CNTN5: variants seen among roughly 807,000 people sequenced by gnomAD.
The protein encoded by CNTN5 is contactin-5.
CNTN5 carries 77 observed loss-of-function variants against 129.1 expected under a neutral mutation model. The ratio of observed to expected loss-of-function variants is 0.60; its 90% CI spans 0.50 to 0.72. The LOEUF is 0.72. Among genes scored for constraint, CNTN5 ranks in the 30% least tolerant of loss-of-function variants. CNTN5 has a pLI of 0.00. For missense variants in CNTN5, 1,478 were observed against 1,328.8 expected (o/e 1.11, Z -1.75); for synonymous variants, 509 against 465.6 (o/e 1.09, Z -1.20).
In CNTN5 at chr11:99,080,572, G is replaced by A. The variant is rs576011591; in HGVS notation, c.-210+59302G>A. ...CCAAATTTGCTGTTTTTCTCAGTATGAGGAAAGATTTAACAGATTTACCTC... is the reference window on the plus strand; with the variant it reads ...CCAAATTTGCTGTTTTTCTCAGTATAAGGAAAGATTTAACAGATTTACCTC... On this transcript the variant is annotated intron_variant, in intron 1 of 24. Transcript: ENST00000524871. 3.3e-5 allele frequency among the ~76,000 whole-genome samples: 5 copies of A among 152,282 alleles called. No individual in the cohort carries two copies. The South Asian group carries it at 8.3e-4, about 25-fold the overall frequency.
At chr11:99,413,160 A>C (rs1489137211) in intron 2 of CNTN5, among the ~76,000 whole-genome samples, 1 of 152,158 alleles carries the variant, frequency 6.6e-6, no homozygotes, top group Non-Finnish European at 1.5e-5. Context: ...AAGCACCCTG[A>C]AAAAAATACT....
intron 3 of CNTN5, among the ~76,000 whole-genome samples, chr11:99,756,910 A>AG (rs1227028795): frequency 7.7e-6 from 1 of 130,042 alleles, no homozygotes; most frequent in Non-Finnish European, 1.7e-5. Flanking sequence ...AAAACAATAG[A>AG]GGGTTTTTTT....
chr11:99,941,223 A>C (rs1023223000), intron 7 of CNTN5, among the ~76,000 whole-genome samples: 1 of 152,058 alleles, frequency 6.6e-6, no homozygotes, highest in Non-Finnish European at 1.5e-5. Flanking sequence ...TTATCTCAAC[A>C]TATCTACCTA....
At position 99,131,122 on chromosome 11, in the gene CNTN5, C is replaced by T. The variant is rs181865448; in HGVS notation, c.-210+109852C>T. 2.0e-5 allele frequency among the ~76,000 whole-genome samples: 3 copies of T among 147,970 alleles called. No homozygotes were observed. In the East Asian group the frequency reaches 6.0e-4, roughly 30 times the overall value. On this transcript the variant is annotated intron_variant, in intron 1 of 24. Coordinates refer to ENST00000524871, the MANE Select transcript of CNTN5 (RefSeq NM_014361.4). ...CTAAAAATACAAAAAATTACAGGCA[C>T]CTGTAATCCCAGCTACTCAGGAGGC... is the stretch of plus-strand genomic sequence containing the variant.
chr11:99,501,182 G>A (rs907570961), intron 2 of CNTN5, among the ~76,000 whole-genome samples: 1 of 152,116 alleles, frequency 6.6e-6, no homozygotes, highest in African/African-American at 2.4e-5. Flanking sequence ...CACCTATGCT[G>A]TTCTGTGCTG....
At chr11:100,285,233 C>T (rs911154806) in intron 18 of CNTN5, among the ~76,000 whole-genome samples, 3 of 152,000 alleles carry the variant, frequency 2.0e-5, no homozygotes, top group African/African-American at 7.3e-5. Flanking sequence ...ATTGAGAAAA[C>T]ATTTTCAGAG....
chr11:100,169,667 CAA>C (rs1373515136), intron 13 of CNTN5, among the ~76,000 whole-genome samples: 3 of 151,902 alleles, frequency 2.0e-5, no homozygotes, highest in African/African-American at 4.8e-5. Context: ...CATTGGAAAA[CAA>C]GACATTTTTG....
chr11:100,089,728 A>C (rs1255659693), intron 13 of CNTN5, among the ~76,000 whole-genome samples: 4 of 152,180 alleles, frequency 2.6e-5, no homozygotes, highest in Admixed American at 2.6e-4. Flanking sequence ...GAAAGGGACA[A>C]GATCATGTCC....
chr11:99,996,825 A>G (rs1301251571), intron 8 of CNTN5, among the ~76,000 whole-genome samples: 1 of 152,080 alleles, frequency 6.6e-6, no homozygotes, highest in Non-Finnish European at 1.5e-5. Context: ...GAAAACTGCC[A>G]CTTTAAAAGT....
intron 2 of CNTN5, among the ~76,000 whole-genome samples, chr11:99,510,166 CAG>C (rs1946781183): frequency 6.6e-6 from 1 of 151,918 alleles, no homozygotes; most frequent in African/African-American, 2.4e-5. Context: ...AAGACACAAG[CAG>C]AGAGTGCTTA....
intron 3 of CNTN5, among the ~76,000 whole-genome samples, chr11:99,626,328 A>G (rs1951131296): frequency 6.7e-6 from 1 of 148,298 alleles, no homozygotes; most frequent in Non-Finnish European, 1.5e-5. Context: ...AGAAAGTTGG[A>G]ACATGAGAAA....
At chr11:100,261,241 G>A (rs1454758071) in intron 17 of CNTN5, among the ~76,000 whole-genome samples, 3 of 152,024 alleles carry the variant, frequency 2.0e-5, no homozygotes, top group Admixed American at 2.0e-4. Context: ...AACTTACAAG[G>A]GATGTGAAGG....
At chr11:99,484,059 C>A (rs1945709943) in intron 2 of CNTN5, among the ~76,000 whole-genome samples, 1 of 151,870 alleles carries the variant, frequency 6.6e-6, no homozygotes, top group Admixed American at 6.6e-5. Context: ...ACAAATGGGA[C>A]TATATCTAAC....
intron 1 of CNTN5, among the ~76,000 whole-genome samples, chr11:99,227,142 C>A (rs556893903): frequency 6.6e-6 from 1 of 151,900 alleles, no homozygotes; most frequent in Non-Finnish European, 1.5e-5. Flanking sequence ...GGGTGGATCA[C>A]GAGGTCAGGA....
At chr11:99,453,378 A>C (rs1395750519) in intron 2 of CNTN5, among the ~76,000 whole-genome samples, 1 of 152,204 alleles carries the variant, frequency 6.6e-6, no homozygotes, top group Non-Finnish European at 1.5e-5. Flanking sequence ...ATTTTCTTTA[A>C]TTCATAACTG....
At chr11:99,723,408 T>A (rs1943237324) in intron 3 of CNTN5, among the ~76,000 whole-genome samples, 1 of 152,090 alleles carries the variant, frequency 6.6e-6, no homozygotes, top group Non-Finnish European at 1.5e-5. Flanking sequence ...GTACTTTTCA[T>A]CTCCCATTCT....
intron 4 of CNTN5, among the ~76,000 whole-genome samples, chr11:99,843,068 T>C (rs1485666303): frequency 6.6e-6 from 1 of 152,110 alleles, no homozygotes; most frequent in Non-Finnish European, 1.5e-5. Flanking sequence ...CTGTCTCTAC[T>C]AAAAATACAA....
intron 3 of CNTN5, among the ~76,000 whole-genome samples, chr11:99,691,279 T>C (rs1259746911): frequency 6.6e-6 from 1 of 151,994 alleles, no homozygotes; most frequent in Admixed American, 6.6e-5. Flanking sequence ...TTATTTCTTG[T>C]CTTCTGCTAG....
chr11:99,606,590 A>G (rs1190564608), intron 3 of CNTN5, among the ~76,000 whole-genome samples: 1 of 137,398 alleles, frequency 7.3e-6, no homozygotes, highest in African/African-American at 2.7e-5. Flanking sequence ...AGAATTGGAA[A>G]AAACTACTTT....
Sources: allele counts gnomAD v4.1 joint callset (sites outside exome capture counted in the v4.1 genomes callset), GRCh38; gene constraint gnomAD v4.1.1; transcripts MANE v1.5; gene names NCBI Gene and HGNC (gene_info 2026-07-23, HGNC 2026-07-21).